Variants in ZFPM2 observed in about 807,000 individuals in gnomAD.
The protein encoded by ZFPM2 is zinc finger protein, FOG family member 2.
In ZFPM2, 20 loss-of-function variants were observed where a neutral mutation model predicts 98.6. The ratio of observed to expected loss-of-function variants is 0.20; its 90% CI spans 0.14 to 0.29. ZFPM2 has a LOEUF of 0.29. Ranked by LOEUF, ZFPM2 falls within the 10% of genes least tolerant of loss-of-function variation. ZFPM2 has a pLI of 1.00. For synonymous variants in ZFPM2, 518 were observed against 502.7 expected (o/e 1.03, Z -0.41); for missense variants, 1,310 against 1,388.6 (o/e 0.94, Z 0.90).
chr8:105,431,988 A>G (rs1385753700), intron 2 of ZFPM2, among the ~76,000 whole-genome samples: 1 of 151,934 alleles, frequency 6.6e-6, no homozygotes, highest in African/African-American at 2.4e-5. Flanking sequence ...ACTAGGCAAA[A>G]AAAGGTCATA....
chr8:105,471,798 G>T (rs927890521), intron 3 of ZFPM2, among the ~76,000 whole-genome samples: 2 of 152,104 alleles, frequency 1.3e-5, no homozygotes, highest in Admixed American at 6.5e-5. Context: ...AGAGCATAAG[G>T]TCTGCTTAAT....
intron 5 of ZFPM2, among the ~76,000 whole-genome samples, chr8:105,767,356 C>T (rs2131083673): frequency 6.6e-6 from 1 of 151,856 alleles, no homozygotes; most frequent in East Asian, 1.9e-4. Flanking sequence ...TTAAAAGGCA[C>T]AGAAATAAAA....
chr8:105,615,747 T>C (rs1398891788), intron 4 of ZFPM2, among the ~76,000 whole-genome samples: 1 of 152,126 alleles, frequency 6.6e-6, no homozygotes, highest in Admixed American at 6.6e-5. Context: ...TCTTGGTCTT[T>C]TCCTCTAAAA....
intron 5 of ZFPM2, among the ~76,000 whole-genome samples, chr8:105,701,249 A>G (rs1811135546): frequency 6.6e-6 from 1 of 152,192 alleles, no homozygotes; most frequent in South Asian, 2.1e-4. Flanking sequence ...TACTTGGAAA[A>G]AGACAGAAAT....
rs111708851 is a variant in ZFPM2, at chr8:105,598,081, T to C, written c.421-36165T>C. On this transcript the variant is annotated intron_variant, in intron 4 of 7. Coordinates refer to ENST00000407775, the MANE Select transcript of ZFPM2 (RefSeq NM_012082.4). ...AAAAAAAAACCTTTTTTTTTTTTTT[T>C]TTGGTCAGAAATAGCTGTGTTATTC... Among the ~76,000 whole-genome samples, 555 of 151,386 alleles carry C rather than the reference T, an allele frequency of 3.7e-3. 5 individuals are homozygous for C. The highest frequency in any genetic ancestry group is 4.8e-3 in the Non-Finnish European group (323 of 67,786).
intron 6 of ZFPM2, among the ~76,000 whole-genome samples, chr8:105,794,306 C>G (rs1813721895): frequency 6.6e-6 from 1 of 152,152 alleles, no homozygotes; most frequent in African/African-American, 2.4e-5. Flanking sequence ...AGACAGGACC[C>G]TCAGCTGCAG....
At chr8:105,612,990 CT>C (rs948609321) in intron 4 of ZFPM2, among the ~76,000 whole-genome samples, 4 of 152,136 alleles carry the variant, frequency 2.6e-5, no homozygotes, top group African/African-American at 9.7e-5. Flanking sequence ...AATAACTGCC[CT>C]TTTGTGATCT....
At chr8:105,400,362 A>C (rs1211578071) in intron 1 of ZFPM2, among the ~76,000 whole-genome samples, 1 of 152,078 alleles carries the variant, frequency 6.6e-6, no homozygotes, top group African/African-American at 2.4e-5. Context: ...CACTGCACCC[A>C]CTAACTCGTC....
chr8:105,324,192 A>G (rs978614902), intron 1 of ZFPM2, among the ~76,000 whole-genome samples: 1 of 151,856 alleles, frequency 6.6e-6, no homozygotes, highest in Admixed American at 6.6e-5. Context: ...GTTAATACAA[A>G]GATTTATACA....
At chr8:105,639,375 G>T (rs772417529) in intron 5 of ZFPM2, among the ~76,000 whole-genome samples, 4 of 151,956 alleles carry the variant, frequency 2.6e-5, no homozygotes, top group Non-Finnish European at 5.9e-5. Flanking sequence ...CAATTTTCTT[G>T]TAGTTGTTAT....
chr8:105,541,447 G>A (rs1046401170), intron 3 of ZFPM2, among the ~76,000 whole-genome samples: 8 of 152,078 alleles, frequency 5.3e-5, no homozygotes, highest in African/African-American at 1.7e-4. Context: ...GAAATATCAT[G>A]AATATCCTGG....
Position 105,733,615 on chromosome 8 carries a change from G to C in ZFPM2, c.533-55103G>C, listed in dbSNP as rs548877740. 2.0e-3 allele frequency among the ~76,000 whole-genome samples: 309 copies of C among 151,936 alleles called. 3 individuals carry two copies. In the South Asian group the frequency reaches 0.025, roughly 13 times the overall value. ...CACTTAGAATCTACTGTTTACAGTA[G>C]TAATGATGCTTATGTTTTAGTAAAT... On this transcript the variant is annotated intron_variant, in intron 5 of 7. Coordinates refer to ENST00000407775, the MANE Select transcript of ZFPM2 (RefSeq NM_012082.4).
intron 3 of ZFPM2, among the ~76,000 whole-genome samples, chr8:105,454,785 C>T (rs1420052672): frequency 6.6e-6 from 1 of 152,136 alleles, no homozygotes; most frequent in Non-Finnish European, 1.5e-5. Context: ...GTAAATGCAT[C>T]GTTCTCATTA....
intron 5 of ZFPM2, among the ~76,000 whole-genome samples, chr8:105,730,111 C>G (rs1376748401): frequency 6.6e-6 from 1 of 151,470 alleles, no homozygotes; most frequent in Non-Finnish European, 1.5e-5. Context: ...AGAGAAGTGT[C>G]AAGAATGATA....
At chr8:105,327,222 A>G (rs1439197978) in intron 1 of ZFPM2, among the ~76,000 whole-genome samples, 1 of 151,710 alleles carries the variant, frequency 6.6e-6, no homozygotes, top group Non-Finnish European at 1.5e-5. Flanking sequence ...GTTAATCTAC[A>G]TAGATTTTTT....
chr8:105,431,437 T>G (rs1812018599), intron 2 of ZFPM2, among the ~76,000 whole-genome samples: 1 of 152,226 alleles, frequency 6.6e-6, no homozygotes, highest in African/African-American at 2.4e-5. Flanking sequence ...AAATATTTAT[T>G]GAACACCTGC....
intron 1 of ZFPM2, among the ~76,000 whole-genome samples, chr8:105,385,288 TAC>T (rs1810965604): frequency 6.6e-6 from 1 of 152,212 alleles, no homozygotes; most frequent in South Asian, 2.1e-4. Context: ...TATTATATAA[TAC>T]AGAGTGCTTT....
At chr8:105,665,377 G>A (rs1036099401) in intron 5 of ZFPM2, among the ~76,000 whole-genome samples, 9 of 152,070 alleles carry the variant, frequency 5.9e-5, no homozygotes, top group African/African-American at 2.2e-4. Flanking sequence ...ATTTAGATAA[G>A]CTTATTTATT....
At position 105,502,254 on chromosome 8, in the gene ZFPM2, A is replaced by G. The variant is rs1404692833; in HGVS notation, c.301+57873A>G. 9.9e-5 allele frequency among the ~76,000 whole-genome samples: 15 copies of G among 152,170 alleles called. No individual in the cohort carries two copies. In the East Asian group the frequency reaches 2.7e-3, roughly 27 times the overall value. ...ATTATTGAAGAAAGGTTCAGTTTAT[A>G]ATATGATAGAGTTGATTATACCCAT... On this transcript the variant is annotated intron_variant, in intron 3 of 7. Transcript: ENST00000407775.
Sources: gnomAD v4.1 joint callset for allele counts (sites outside exome capture counted in the v4.1 genomes callset) on GRCh38, gnomAD v4.1.1 for gene constraint, MANE v1.5 for transcripts, NCBI Gene and HGNC (gene_info 2026-07-23, HGNC 2026-07-21) for gene names.